SGCG: variants seen among roughly 807,000 people sequenced by gnomAD.
The protein encoded by SGCG is sarcoglycan gamma, also known as gamma-sarcoglycan.
Under a neutral mutation model 29.3 loss-of-function variants are expected in SGCG, and 26 were observed. The observed-to-expected ratio is 0.89, with a 90% CI of 0.65 to 1.23. The LOEUF is 1.23. Ranked by LOEUF, SGCG falls within the 50% of genes most tolerant of loss-of-function variation. SGCG has a pLI of 0.00. For synonymous variants in SGCG, 145 were observed against 129.7 expected, an observed-to-expected ratio of 1.12 and a Z score of -0.80; for missense variants, 353 against 356.0, an observed-to-expected ratio of 0.99 and a Z score of 0.07.
At chr13:23,323,934 G>A (rs1883138597) in intron 7 of SGCG, among the ~76,000 whole-genome samples, 1 of 152,144 alleles carries the variant, frequency 6.6e-6, no homozygotes, top group South Asian at 2.1e-4. Context: ...TTTACATAAA[G>A]TCAAAGTGAG....
intron 3 of SGCG, among the ~76,000 whole-genome samples, chr13:23,242,737 A>G (rs534025102): frequency 6.6e-6 from 1 of 152,324 alleles, no homozygotes; most frequent in South Asian, 2.1e-4. Context: ...TGGTTGTACA[A>G]TACTGTGAAT....
chr13:23,310,366 G>T (rs370581239), intron 6 of SGCG, among the ~76,000 whole-genome samples: 60 of 152,056 alleles, frequency 3.9e-4, no homozygotes, highest in African/African-American at 1.3e-3. Context: ...GATTACAGGC[G>T]TGAGCCACCG....
At position 23,203,716 on chromosome 13, in the gene SGCG, A is replaced by G. The variant is rs771657671; in HGVS notation, c.22A>G (p.Thr8Ala). The G allele has an allele frequency of 1.5e-5, 24 of 1,613,436 alleles. No individual in the cohort carries two copies. The Admixed American group carries it at 3.3e-4, about 22-fold the overall frequency. Reference sequence around the variant, plus strand: ...GCAGATGGTGCGTGAGCAGTACACTACAGCCACAGAAGGCATCTGCATAGA... The same window carrying G: ...GCAGATGGTGCGTGAGCAGTACACTGCAGCCACAGAAGGCATCTGCATAGA... MVREQYT[T>A]ATEGICIERP... is the part of the protein sequence containing the mutation. The change falls in exon 2 of 8, where the codon ACA (threonine) becomes GCA (alanine). Residue 8 changes from threonine to alanine, a missense_variant. Physicochemically the swap from Thr to Ala is moderately conservative, Grantham distance 58 (BLOSUM62 0). Transcript: ENST00000218867.
intron 1 of SGCG, among the ~76,000 whole-genome samples, chr13:23,188,229 A>C (rs577181545): frequency 3.3e-5 from 5 of 150,840 alleles, no homozygotes; most frequent in Admixed American, 6.6e-5. Flanking sequence ...CTAGAACACT[A>C]GATCCTAAAA....
At chr13:23,212,037 T>G (rs887385219) in intron 2 of SGCG, among the ~76,000 whole-genome samples, 3 of 152,102 alleles carry the variant, frequency 2.0e-5, no homozygotes, top group African/African-American at 4.8e-5. Context: ...TGGTTGAGTG[T>G]GTAGCATCTC....
At chr13:23,212,672 G>T (rs1287211578) in intron 2 of SGCG, among the ~76,000 whole-genome samples, 1 of 152,168 alleles carries the variant, frequency 6.6e-6, no homozygotes, top group Non-Finnish European at 1.5e-5. Flanking sequence ...GAAAGCATGG[G>T]CATGATATGA....
chr13:23,221,373 C>A (rs1878650295), intron 2 of SGCG, among the ~76,000 whole-genome samples: 1 of 152,152 alleles, frequency 6.6e-6, no homozygotes, highest in Admixed American at 6.5e-5. Flanking sequence ...TGCAGAGTCA[C>A]TTACTATACA....
At chr13:23,188,053 A>G (rs1877064478) in intron 1 of SGCG, among the ~76,000 whole-genome samples, 1 of 152,214 alleles carries the variant, frequency 6.6e-6, no homozygotes, top group Admixed American at 6.5e-5. Flanking sequence ...GCCCTGATGC[A>G]GAGCCCTGTT....
chr13:23,195,919 T>TA, intron 1 of SGCG, among the ~76,000 whole-genome samples: 1 of 152,022 alleles, frequency 6.6e-6, no homozygotes, highest in Non-Finnish European at 1.5e-5. Context: ...GAAATATATA[T>TA]ATCAATTCTA....
Position 23,189,480 on chromosome 13 carries a change from T to C in SGCG, c.-1+8405T>C, listed in dbSNP as rs1292214831. ...CGTGAGCCACTGCGCCTGGCCTTTT[T>C]CCTGAAATTTTTTTGGAAAATAATT... On this transcript the variant is annotated intron_variant, in intron 1 of 7. Coordinates refer to ENST00000218867, the MANE Select transcript of SGCG (RefSeq NM_000231.3). 2.0e-5 allele frequency among the ~76,000 whole-genome samples: 3 copies of C among 152,158 alleles called. No individual in the cohort carries two copies. In the East Asian group the frequency reaches 5.8e-4, roughly 29 times the overall value.
rs1216073194 is a variant in SGCG at position 23,320,570 on chromosome 13, G to A, written c.579-67G>A. ...GTTATATTTCCCATGCTAAGTTGAG[G>A]GATTGCTGGAGTGGCTATTTTTAAT... On this transcript the variant is annotated intron_variant, in intron 6 of 7. Transcript: ENST00000218867. 10 of 1,344,850 alleles carry A rather than the reference G, an allele frequency of 7.4e-6. No individual in the cohort carries two copies. The Admixed American group carries it at 2.0e-4, about 27-fold the overall frequency. The allele number at this position is 1,344,850 out of a possible 1,614,324, so 83.3% of individuals were successfully genotyped here. A position where few individuals can be genotyped will look rare whatever the true frequency, so the allele number is the denominator to read the frequency against.
intron 6 of SGCG, among the ~76,000 whole-genome samples, chr13:23,306,106 C>T (rs2137500745): frequency 6.6e-6 from 1 of 152,176 alleles, no homozygotes; most frequent in East Asian, 1.9e-4. Context: ...CTCAAGTGAT[C>T]CTCCCACCTC....
intron 2 of SGCG, among the ~76,000 whole-genome samples, chr13:23,210,167 T>G (rs752112992): frequency 3.9e-5 from 6 of 152,178 alleles, no homozygotes; most frequent in Non-Finnish European, 8.8e-5. Flanking sequence ...CACTTCCTAC[T>G]GGGAAATTAT....
chr13:23,220,447 C>T (rs1225822474), intron 2 of SGCG, among the ~76,000 whole-genome samples: 1 of 151,920 alleles, frequency 6.6e-6, no homozygotes, highest in African/African-American at 2.4e-5. Flanking sequence ...AAACTCCATC[C>T]CAAAATAAAT....
chr13:23,271,206 T>C (rs962011328), intron 4 of SGCG, among the ~76,000 whole-genome samples: 1 of 152,126 alleles, frequency 6.6e-6, no homozygotes. Context: ...AGTGAGACTC[T>C]GTCTCCAAAA....
chr13:23,269,300 A>AT (rs1412644901), intron 4 of SGCG: 1 of 152,232 alleles, frequency 6.6e-6, no homozygotes, highest in African/African-American at 2.4e-5. Flanking sequence ...TTGTAAAAAG[A>AT]TAAAGGGAAT....
At chr13:23,232,823 G>C (rs1879162030) in intron 2 of SGCG, among the ~76,000 whole-genome samples, 2 of 152,100 alleles carry the variant, frequency 1.3e-5, no homozygotes, top group African/African-American at 4.8e-5. Context: ...TAGGCAATCA[G>C]ATATATGGGT....
At chr13:23,160,717 C>G in the SGCG span, among the ~76,000 whole-genome samples, 7 of 152,132 alleles carry the variant, frequency 4.6e-5, no homozygotes, top group Non-Finnish European at 1.0e-4. Context: ...TCCTTCTCCT[C>G]CAACCTCCTA....
At chr13:23,162,234 A>T in the SGCG span, among the ~76,000 whole-genome samples, 7 of 152,254 alleles carry the variant, frequency 4.6e-5, no homozygotes, top group Non-Finnish European at 8.8e-5. Context: ...ATATACACAC[A>T]CTATTACATT....
Sources: gnomAD v4.1 joint callset for allele counts (sites outside exome capture counted in the v4.1 genomes callset) on GRCh38, gnomAD v4.1.1 for gene constraint, MANE v1.5 for transcripts, NCBI Gene and HGNC (gene_info 2026-07-23, HGNC 2026-07-21) for gene names.